Variants in STARD8 observed in about 807,000 individuals in gnomAD.
The protein encoded by STARD8 is StAR related lipid transfer domain containing 8.
A neutral mutation model predicts 69.4 loss-of-function variants in STARD8; 25 were observed. The ratio of observed to expected loss-of-function variants is 0.36; its 90% CI spans 0.26 to 0.50. The LOEUF (loss-of-function observed/expected upper bound fraction) is 0.50. Ranked by LOEUF, STARD8 falls within the 20% of genes least tolerant of loss-of-function variation. The pLI, the probability that STARD8 is intolerant of heterozygous loss-of-function variation, is 0.96. For missense variants in STARD8, 921 were observed against 932.5 expected (o/e 0.99, Z 0.16); for synonymous variants, 389 against 374.6 (o/e 1.04, Z -0.45).
chrX:68,722,375 T>A, intron 11 of STARD8, 47 bp from the exon 12 acceptor site: 13 of 1,103,357 alleles, frequency 1.2e-5, no homozygotes, highest in Non-Finnish European at 1.6e-5. Flanking sequence ...CCCCATGGGG[T>A]CTCCTGCTCT....
chrX:68,717,062 G>A (rs967182208), intron 5 of STARD8, 150 bp from the exon 6 acceptor site: 5 of 937,700 alleles, frequency 5.3e-6, no homozygotes, highest in Admixed American at 9.3e-5. Flanking sequence ...CACTCCCAGA[G>A]CTAGCTCTCC....
intron 2 of STARD8, among the ~76,000 whole-genome samples, chrX:68,666,129 G>A (rs1035557399): frequency 1.8e-5 from 2 of 111,790 alleles, no homozygotes; most frequent in Non-Finnish European, 3.8e-5. Flanking sequence ...TAAGTGGATG[G>A]CATACTGGGA....
intron 1 of STARD8, among the ~76,000 whole-genome samples, chrX:68,662,444 A>G (rs766175126): frequency 1.6e-4 from 18 of 111,443 alleles, no homozygotes; most frequent in Non-Finnish European, 3.0e-4. Flanking sequence ...TGGGCTCTAG[A>G]TAAAGTCTCA....
At chrX:68,687,922 A>T (rs1490252048) in intron 2 of STARD8, among the ~76,000 whole-genome samples, 1 of 112,172 alleles carries the variant, frequency 8.9e-6, no homozygotes, top group African/African-American at 3.2e-5. Flanking sequence ...TCCCCCACTG[A>T]CATGGGAGCT....
At chrX:68,681,495 C>T (rs979103353) in intron 2 of STARD8, among the ~76,000 whole-genome samples, 5 of 112,736 alleles carry the variant, frequency 4.4e-5, no homozygotes, top group Non-Finnish European at 9.4e-5. Context: ...CTTTACTTTT[C>T]TGCCAAGTGC....
chrX:68,711,452 C>T (rs1262236661), intron 2 of STARD8, among the ~76,000 whole-genome samples: 2 of 111,660 alleles, frequency 1.8e-5, no homozygotes, highest in Non-Finnish European at 3.8e-5. Context: ...GTTGCATTCA[C>T]TCACAGAAAT....
At position 68,717,351 on chromosome X, in the gene STARD8, G is replaced by A; in HGVS notation, c.437G>A (p.Cys146Tyr). The change falls in exon 6 of 15, where the codon TGT becomes TAT. Residue 146 changes from cysteine to tyrosine, a missense_variant. Transcript: ENST00000374599. ...PSPGLPATSS[C>Y]ESVLTELSAT... ...CCTGGCCTGCCAGCGACCTCAAGCT[G>A]TGAGAGCGTCCTCACCGAGCTTAGT... 8.3e-7 allele frequency: 1 copy of A among 1,207,961 alleles called. No individual in the cohort carries two copies. The highest frequency in any genetic ancestry group is 1.1e-6 in the Non-Finnish European group (1 of 894,200).
intron 2 of STARD8, among the ~76,000 whole-genome samples, chrX:68,706,248 C>T (rs2080005748): frequency 8.9e-6 from 1 of 111,738 alleles, no homozygotes; most frequent in African/African-American, 3.3e-5. Flanking sequence ...TACAGAGGCC[C>T]TTCCTGCGGT....
rs1181293398 is a variant in STARD8 at position 68,725,634 on chromosome X, G to GTA, written c.*1213_*1214insAT. On this transcript the variant is annotated 3_prime_UTR_variant, in exon 15 of 15. Transcript: ENST00000374599. ...TATAGAGATACACACACATATATATGTGTGTATATATATACACATACATAT... is the reference window on the plus strand; with the variant it reads ...TATAGAGATACACACACATATATATGTATGTGTATATATATACACATACATAT... The GTA allele has an allele frequency of 1.9e-5, 2 of 104,422 alleles. No homozygotes were observed. The highest frequency in any genetic ancestry group is 3.5e-5 in the African/African-American group (1 of 28,300). 8.6% of individuals were successfully genotyped at this position (104,422 alleles called of 1,213,427 possible). A position where few individuals can be genotyped will look rare whatever the true frequency, so the allele number is the denominator to read the frequency against.
At chrX:68,651,757 C>T (rs758850071) in intron 1 of STARD8, among the ~76,000 whole-genome samples, 2 of 110,634 alleles carry the variant, frequency 1.8e-5, no homozygotes, top group African/African-American at 3.3e-5. Context: ...TGTGTGCCTT[C>T]GAGCAAGTCT....
intron 2 of STARD8, among the ~76,000 whole-genome samples, chrX:68,700,330 C>T (rs1399488575): frequency 8.9e-6 from 1 of 112,203 alleles, no homozygotes; most frequent in African/African-American, 3.3e-5. Flanking sequence ...GTGGTCTCCA[C>T]CTGAGGCCCA....
intron 2 of STARD8, among the ~76,000 whole-genome samples, chrX:68,679,822 G>C (rs2079789881): frequency 8.9e-6 from 1 of 111,850 alleles, no homozygotes; most frequent in South Asian, 3.8e-4. Context: ...TAGGCCTTCC[G>C]ATTGGGCTCC....
At chrX:68,700,443 G>T (rs780721494) in intron 2 of STARD8, among the ~76,000 whole-genome samples, 60 of 112,568 alleles carry the variant, frequency 5.3e-4, no homozygotes, top group African/African-American at 1.9e-3. Flanking sequence ...AGCCATGGCA[G>T]CCGGGGCTGA....
intron 2 of STARD8, among the ~76,000 whole-genome samples, chrX:68,696,047 C>A: frequency 8.9e-6 from 1 of 112,454 alleles, no homozygotes; most frequent in South Asian, 3.7e-4. Context: ...TCTTTTCTGG[C>A]TAGAAGAAAG....
intron 3 of STARD8, 104 bp downstream of exon 3, chrX:68,713,089 G>GGGCCAGGAGACACTGCT: frequency 2.3e-6 from 2 of 853,641 alleles, no homozygotes; most frequent in Non-Finnish European, 3.3e-6. Context: ...CACACAAGCA[G>GGGCCAGGAGACACTGCT]TGTCTCCTGG....
At chrX:68,668,237 T>TCTTC (rs1238868825) in intron 2 of STARD8, among the ~76,000 whole-genome samples, 1 of 38,065 alleles carries the variant, frequency 2.6e-5, no homozygotes, top group Non-Finnish European at 4.4e-5. Flanking sequence ...TTTTTTCTCC[T>TCTTC]CTTTCTTTCT....
Position 68,723,668 on chromosome X carries a change from G to A in STARD8, c.2842G>A (p.Glu948Lys), listed in dbSNP as rs368199805. Reference sequence around the variant, plus strand: ...CCTGCGGCTATGGAAGGCATCCACAGAGGTGGCAGCCCCCCCAGCTGTGGT... The same window carrying A: ...CCTGCGGCTATGGAAGGCATCCACAAAGGTGGCAGCCCCCCCAGCTGTGGT... ...HPLRLWKAST[E>K]VAAPPAVVLH... The change falls in exon 13 of 15, where the codon GAG becomes AAG. Residue 948 changes from glutamate (E) to lysine (K), a missense_variant. Coordinates refer to ENST00000374599, the MANE Select transcript of STARD8 (RefSeq NM_001142503.3). 10 of 1,198,548 alleles carry A rather than the reference G, an allele frequency of 8.3e-6. No homozygotes were observed. The African/African-American group carries it at 1.8e-4, about 21-fold the overall frequency.
At chrX:68,686,380 C>T (rs957305934) in intron 2 of STARD8, among the ~76,000 whole-genome samples, 1 of 112,920 alleles carries the variant, frequency 8.9e-6, no homozygotes, top group Non-Finnish European at 1.9e-5. Context: ...GCCAGCACTC[C>T]GGCTCGCCAG....
chrX:68,648,569 T>C (rs1465885135), intron 1 of STARD8, among the ~76,000 whole-genome samples: 1 of 111,198 alleles, frequency 9.0e-6, no homozygotes, highest in Non-Finnish European at 1.9e-5. Flanking sequence ...AAGACCAGCT[T>C]AGGCAACATA....
Sources: gnomAD v4.1 joint callset for allele counts (sites outside exome capture counted in the v4.1 genomes callset) on GRCh38, gnomAD v4.1.1 for gene constraint, MANE v1.5 for transcripts, NCBI Gene and HGNC (gene_info 2026-07-23, HGNC 2026-07-21) for gene names.